SNURF: variants seen among roughly 807,000 people sequenced by gnomAD.
The protein encoded by SNURF is SNRPN upstream open reading frame.
Under a neutral mutation model 11.6 loss-of-function variants are expected in SNURF, and 6 were observed. The observed-to-expected ratio is 0.52, with a 90% CI of 0.28 to 1.02. SNURF has a LOEUF of 1.02. Ranked by LOEUF, SNURF falls within the 50% of genes least tolerant of loss-of-function variation. The pLI, the probability that SNURF is intolerant of heterozygous loss-of-function variation, is 0.09. For missense variants in SNURF, 84 were observed against 88.4 expected, an observed-to-expected ratio of 0.95 and a Z score of 0.20; for synonymous variants, 29 against 31.6, an observed-to-expected ratio of 0.92 and a Z score of 0.27.
intron 6 of SNURF, among the ~76,000 whole-genome samples, chr15:24,977,197 A>G (rs1350826665): frequency 6.6e-6 from 1 of 152,244 alleles, no homozygotes; most frequent in East Asian, 1.9e-4. Context: ...TAGCTGCTTA[A>G]AATGGTCATT....
At chr15:24,955,128 A>T in intron 1 of SNURF, 66 bp downstream of exon 1, 1 of 1,607,964 alleles carries the variant, frequency 6.2e-7, no homozygotes, top group Non-Finnish European at 8.5e-7. Context: ...TTCATCAGAT[A>T]TTCCAAGTTT....
At chr15:24,956,702 G>T (rs74624359) in intron 1 of SNURF, among the ~76,000 whole-genome samples, 25 of 152,194 alleles carry the variant, frequency 1.6e-4, no homozygotes, top group Admixed American at 1.2e-3. Context: ...CGCAGTAGAG[G>T]GGGGAGGAGG....
chr15:24,959,197 G>GTCC (rs1250401249), intron 1 of SNURF, among the ~76,000 whole-genome samples: 1 of 152,140 alleles, frequency 6.6e-6, no homozygotes, highest in African/African-American at 2.4e-5. Flanking sequence ...TTTTCATGAT[G>GTCC]TCCTCAGTTT....
chr15:24,960,410 A>T (rs1402820909), intron 1 of SNURF, among the ~76,000 whole-genome samples: 1 of 151,910 alleles, frequency 6.6e-6, no homozygotes, highest in Non-Finnish European at 1.5e-5. Context: ...GCATGATCTC[A>T]GGTCACTGCA....
exon 2 of SNURF, chr15:24,962,196 C>G (rs1465734479): frequency 1.2e-6 from 2 of 1,614,010 alleles, no homozygotes; most frequent in Non-Finnish European, 1.7e-6. Context: ...GACTGCCTCA[C>G]TGAGCAACCA....
At chr15:24,967,054 A>G (rs1356908411) in intron 2 of SNURF, 1 of 152,186 alleles carries the variant, frequency 6.6e-6, no homozygotes, top group Non-Finnish European at 1.5e-5. Context: ...GAGGATCAAT[A>G]TGAAGGACGG....
At chr15:24,955,113 T>A (rs780143677) in intron 1 of SNURF, 51 bp downstream of exon 1, 1 of 1,612,344 alleles carries the variant, frequency 6.2e-7, no homozygotes, top group Admixed American at 1.7e-5. Context: ...GAGCGGCCAC[T>A]TTTATTCATC....
chr15:24,978,721 T>G (rs977712756), downstream of SNURF: 6 of 489,776 alleles, frequency 1.2e-5, no homozygotes, highest in Non-Finnish European at 1.4e-5. Flanking sequence ...TTCTGCTATC[T>G]AACTTTCACT....
downstream of SNURF, among the ~76,000 whole-genome samples, chr15:24,969,502 A>G (rs2076132800): frequency 6.6e-6 from 1 of 152,080 alleles, no homozygotes; most frequent in African/African-American, 2.4e-5. Flanking sequence ...TATACACAAC[A>G]TTTTCTAGCA....
chr15:24,964,164 A>AT (rs1469281828), intron 2 of SNURF, among the ~76,000 whole-genome samples: 1 of 151,434 alleles, frequency 6.6e-6, no homozygotes, highest in African/African-American at 2.4e-5. Context: ...GTACATTTTC[A>AT]TTTTTTAAAA....
downstream of SNURF, chr15:24,978,069 C>G (rs1566978973): frequency 8.3e-7 from 1 of 1,206,932 alleles, no homozygotes; most frequent in East Asian, 2.4e-5. Context: ...GAGTAATTGT[C>G]ATATAGAAGT....
At position 24,962,074 on chromosome 15, in the gene SNURF, A is replaced by T. The variant is rs754033392; in HGVS notation, c.15-40A>T. The T allele has an allele frequency of 1.9e-5, 27 of 1,459,028 alleles. No homozygotes were observed. In the Admixed American group the frequency reaches 4.5e-4, roughly 24 times the overall value. The allele number at this position is 1,459,028 out of a possible 1,614,324, so 90.4% of individuals were successfully genotyped here. ...TGACAAATAGTTATTTCATAGATTG[A>T]TGCAGTCTACCAAACAAATGCCTCT... On this transcript the variant is annotated intron_variant, in intron 1 of 2. Coordinates refer to ENST00000577949, the Ensembl canonical transcript of SNURF.
At chr15:24,975,832 C>T (rs905544361) in intron 4 of SNURF, among the ~76,000 whole-genome samples, 3 of 152,104 alleles carry the variant, frequency 2.0e-5, no homozygotes, top group African/African-American at 7.2e-5. Flanking sequence ...TAGACCAAAT[C>T]TTGGTTGAAA....
At chr15:24,959,618 T>G (rs1039625082) in intron 1 of SNURF, among the ~76,000 whole-genome samples, 3 of 152,216 alleles carry the variant, frequency 2.0e-5, no homozygotes, top group Non-Finnish European at 4.4e-5. Flanking sequence ...AGATTAATCA[T>G]GGTTTAGTTG....
intron 1 of SNURF, among the ~76,000 whole-genome samples, chr15:24,961,007 G>A (rs1169420706): frequency 6.6e-6 from 1 of 152,020 alleles, no homozygotes; most frequent in East Asian, 1.9e-4. Flanking sequence ...AAACTTAGCT[G>A]TATGTTAAGC....
chr15:24,967,956 T>TCAG (rs2075897969), exon 3 of SNURF: 1 of 1,614,166 alleles, frequency 6.2e-7, no homozygotes, highest in Non-Finnish European at 8.5e-7. Context: ...CGAGGCGTTC[T>TCAG]CAGCAGCAGC....
At chr15:24,967,498 C>T (rs528098169) in intron 2 of SNURF, among the ~76,000 whole-genome samples, 3 of 151,990 alleles carry the variant, frequency 2.0e-5, no homozygotes, top group African/African-American at 4.8e-5. Context: ...AAAAATTAGC[C>T]GAGAGTGGTG....
At chr15:24,978,109 A>G (rs1162119730), downstream of SNURF, 5 of 1,428,846 alleles carry the variant, frequency 3.5e-6, no homozygotes, top group Non-Finnish European at 4.8e-6. Context: ...TGTCTGGCCC[A>G]TTTCTTTAGG....
At chr15:24,977,883 C>T, downstream of SNURF, 2 of 1,593,152 alleles carry the variant, frequency 1.3e-6, no homozygotes, top group East Asian at 2.2e-5. Context: ...GGGCACTCCG[C>T]CCCCACCCGT....
Sources: gnomAD v4.1 joint callset for allele counts (sites outside exome capture counted in the v4.1 genomes callset) on GRCh38, gnomAD v4.1.1 for gene constraint, MANE v1.5 for transcripts, NCBI Gene and HGNC (gene_info 2026-07-23, HGNC 2026-07-21) for gene names.